ELMO1: variants seen among roughly 807,000 people sequenced by gnomAD.
ELMO1 encodes the protein engulfment and cell motility 1, also known as engulfment and cell motility protein 1.
A neutral mutation model predicts 98.9 loss-of-function variants in ELMO1; 26 were observed. The ratio of observed to expected loss-of-function variants is 0.26; its 90% CI spans 0.19 to 0.36. The LOEUF is 0.36. Among genes scored for constraint, ELMO1 ranks in the 10% least tolerant of loss-of-function variants. The probability of loss-of-function intolerance (pLI) is 1.00; values close to 1 mark genes in which losing one functional copy is unlikely to be tolerated. For synonymous variants in ELMO1, 346 were observed against 346.0 expected (o/e 1.00, Z 0.00); for missense variants, 627 against 935.2 (o/e 0.67, Z 4.30).
rs186460127 is a variant in ELMO1 at position 37,069,473 on chromosome 7, T to G, written c.1300+27146A>C. Among the ~76,000 whole-genome samples the G allele has an allele frequency of 1.8e-3, 279 of 152,210 alleles. 1 individual carries two copies. The highest frequency in any genetic ancestry group is 5.2e-3 in the African/African-American group (214 of 41,524). The stretch of plus-strand genomic sequence containing the variant: ...AAATCCAGAACCAGAGTTACTAAAA[T>G]CAGAAAAGTTCTAGCAGCTGCAAAC... On this transcript the variant is annotated intron_variant, in intron 15 of 21. Transcript: ENST00000310758.
intron 13 of ELMO1, among the ~76,000 whole-genome samples, chr7:37,192,414 G>C (rs1310180209): frequency 1.3e-5 from 2 of 149,112 alleles, no homozygotes; most frequent in Non-Finnish European, 3.0e-5. Context: ...AGAATCGCTT[G>C]AACCCGGGAG....
chr7:37,139,691 C>T (rs117210869), intron 13 of ELMO1, among the ~76,000 whole-genome samples: 2,258 of 152,156 alleles, frequency 0.015, 35 homozygotes, highest in Non-Finnish European at 0.023. Flanking sequence ...ACCACCACTG[C>T]TCTTCAGAAA....
At chr7:36,887,459 T>C (rs1043376769) in intron 18 of ELMO1, 101 bp downstream of exon 18, 50 of 1,047,856 alleles carry the variant, frequency 4.8e-5, no homozygotes, top group Middle Eastern at 2.9e-4. Context: ...AGTACAATGC[T>C]GCATGGCCTA....
chr7:37,306,339 G>T (rs1798612002), intron 4 of ELMO1, among the ~76,000 whole-genome samples: 1 of 152,196 alleles, frequency 6.6e-6, no homozygotes, highest in Non-Finnish European at 1.5e-5. Flanking sequence ...AGGAATAAGA[G>T]AAAGAATAAA....
chr7:36,909,674 A>G (rs1254774478), intron 16 of ELMO1, among the ~76,000 whole-genome samples: 2 of 152,258 alleles, frequency 1.3e-5, no homozygotes, highest in East Asian at 1.9e-4. Flanking sequence ...AAAATGTTAC[A>G]AAGTATTTTT....
intron 4 of ELMO1, among the ~76,000 whole-genome samples, chr7:37,283,413 G>C (rs1797239201): frequency 6.6e-6 from 1 of 152,176 alleles, no homozygotes; most frequent in Non-Finnish European, 1.5e-5. Flanking sequence ...CCTACTTTTT[G>C]CCTGGTGTCT....
chr7:37,439,212 T>C (rs1201209402), intron 1 of ELMO1, among the ~76,000 whole-genome samples: 3 of 152,206 alleles, frequency 2.0e-5, no homozygotes, highest in Non-Finnish European at 2.9e-5. Context: ...CTGCATCTTT[T>C]CCTTGCCTAA....
rs765333798 is a variant in ELMO1, at chr7:37,342,737, A to G, written c.-47T>C. ...AAGCCAGTGGGAATGAGGATCCTAC[A>G]GCGTAAACGGCCACACGTGTCTATA... On this transcript the variant is annotated 5_prime_UTR_variant, in exon 2 of 22. Transcript: ENST00000310758. The surrounding 1 kb of genome is among the most constrained non-coding windows in gnomAD (Gnocchi z 4.3). 7 of 1,541,334 alleles carry G rather than the reference A, an allele frequency of 4.5e-6. No individual in the cohort carries two copies. In the African/African-American group the frequency reaches 8.3e-5, roughly 18 times the overall value.
intron 16 of ELMO1, among the ~76,000 whole-genome samples, chr7:36,977,908 TTTG>T (rs1790706343): frequency 6.6e-6 from 1 of 152,020 alleles, no homozygotes. Context: ...ATAAATGTGG[TTTG>T]TTGAATTTTT....
In ELMO1 at chr7:36,902,638, C is replaced by A. The variant is rs541576520; in HGVS notation, c.1438-7621G>T. Among the ~76,000 whole-genome samples, 4 of 152,280 alleles carry A rather than the reference C, an allele frequency of 2.6e-5. No homozygotes were observed. The East Asian group carries it at 7.7e-4, about 29-fold the overall frequency. On this transcript the variant is annotated intron_variant, in intron 16 of 21. Coordinates refer to ENST00000310758, the MANE Select transcript of ELMO1 (RefSeq NM_014800.11). ...TCTTGAATGCAAACCACTGACAACC[C>A]AAGTCTTGTTCTCTGGGTGCCATAT... is the stretch of plus-strand genomic sequence containing the variant.
chr7:37,288,579 A>G (rs894114576), intron 4 of ELMO1, among the ~76,000 whole-genome samples: 1 of 152,206 alleles, frequency 6.6e-6, no homozygotes, highest in East Asian at 1.9e-4. Flanking sequence ...AATCTTGGCC[A>G]AGGCCTACAG....
intron 13 of ELMO1, among the ~76,000 whole-genome samples, chr7:37,136,298 TTCTGGGAGTAATTGAGGAAAAC>T (rs1158287724): frequency 6.6e-6 from 1 of 152,210 alleles, no homozygotes; most frequent in African/African-American, 2.4e-5. Flanking sequence ...GAAAACATAT[TTCTGGGAGTAATTGAGGAAAAC>T]TCCCTCAATT....
At chr7:36,858,722 G>A (rs1239400871) in intron 21 of ELMO1, among the ~76,000 whole-genome samples, 2 of 152,182 alleles carry the variant, frequency 1.3e-5, no homozygotes, top group Non-Finnish European at 1.5e-5. Flanking sequence ...GTACGAAAGA[G>A]GAGGCTGAAG....
chr7:37,049,724 C>A (rs926115397), intron 15 of ELMO1, among the ~76,000 whole-genome samples: 1 of 151,406 alleles, frequency 6.6e-6, no homozygotes, highest in African/African-American at 2.4e-5. Context: ...TGTTTGAGAG[C>A]TGTAAAACTG....
intron 18 of ELMO1, 105 bp from the exon 19 acceptor site, chr7:36,878,222 T>C (rs1160475839): frequency 2.4e-6 from 2 of 838,764 alleles, no homozygotes; most frequent in African/African-American, 1.7e-5. Flanking sequence ...AGCAGTTCAT[T>C]TGATTTTAAG....
intron 16 of ELMO1, among the ~76,000 whole-genome samples, chr7:36,945,065 C>T (rs557599237): frequency 5.3e-5 from 8 of 152,306 alleles, no homozygotes; most frequent in South Asian, 2.1e-4. Flanking sequence ...CTAAAGAAAA[C>T]GCCACAAGTT....
rs1448168567 is a variant in ELMO1, at chr7:37,292,100, G to A, written c.193-20218C>T. 2.4e-5 allele frequency among the ~76,000 whole-genome samples: 3 copies of A among 125,532 alleles called. 1 individual carries two copies. The highest frequency in any genetic ancestry group is 3.8e-5 in the Non-Finnish European group (2 of 52,506). 82.4% of individuals were successfully genotyped at this position (125,532 alleles called of 152,430 possible). A position where few individuals can be genotyped will look rare whatever the true frequency, so the allele number is the denominator to read the frequency against. ...GTACCTGCGATTGCAGGCGCGCACC[G>A]CCACGCCTGACTGGTTTTCGTATTT... is the stretch of plus-strand genomic sequence containing the variant. On this transcript the variant is annotated intron_variant, in intron 4 of 21. Coordinates refer to ENST00000310758, the MANE Select transcript of ELMO1 (RefSeq NM_014800.11).
chr7:37,346,082 G>A (rs892600501), intron 1 of ELMO1, among the ~76,000 whole-genome samples: 2 of 152,042 alleles, frequency 1.3e-5, no homozygotes, highest in Non-Finnish European at 2.9e-5. Context: ...ATCAGCAAGT[G>A]CGAAGGCCCC....
At chr7:37,056,727 G>A (rs909119244) in intron 15 of ELMO1, among the ~76,000 whole-genome samples, 1 of 152,200 alleles carries the variant, frequency 6.6e-6, no homozygotes, top group Non-Finnish European at 1.5e-5. Context: ...CCTTGTGTGA[G>A]TGTGCATGTG....
Sources: allele counts gnomAD v4.1 joint callset (sites outside exome capture counted in the v4.1 genomes callset), GRCh38; gene constraint gnomAD v4.1.1; non-coding constraint Gnocchi (gnomAD v3.1); transcripts MANE v1.5; gene names NCBI Gene and HGNC (gene_info 2026-07-23, HGNC 2026-07-21).